The following ROBO2 variants were observed in gnomAD, a reference collection of about 807,000 sequenced individuals.
ROBO2 encodes roundabout homolog 2.
ROBO2 carries 53 observed loss-of-function variants against 160.8 expected under a neutral mutation model. The ratio of observed to expected loss-of-function variants is 0.33; its 90% CI spans 0.26 to 0.41. The LOEUF (loss-of-function observed/expected upper bound fraction) is 0.41. ROBO2 is among the 10% of genes least tolerant of loss of function. The probability of loss-of-function intolerance (pLI) is 1.00; values close to 1 mark genes in which losing one functional copy is unlikely to be tolerated. For synonymous variants in ROBO2, 664 were observed against 611.7 expected (o/e 1.09, Z -1.26); for missense variants, 1,577 against 1,722.4 (o/e 0.92, Z 1.49).
intron 21 of ROBO2, among the ~76,000 whole-genome samples, chr3:77,616,632 A>G (rs987852306): frequency 1.3e-5 from 2 of 152,124 alleles, no homozygotes; most frequent in African/African-American, 4.8e-5. Context: ...TATATCCAAT[A>G]ATATTATTTA....
At chr3:77,254,994 A>C (rs545700982) in intron 2 of ROBO2, among the ~76,000 whole-genome samples, 1 of 152,356 alleles carries the variant, frequency 6.6e-6, no homozygotes, top group East Asian at 1.9e-4. Flanking sequence ...ACGTATTCCG[A>C]AATGTAAAGT....
At chr3:76,922,341 G>A (rs1487486700) in intron 2 of ROBO2, among the ~76,000 whole-genome samples, 1 of 152,160 alleles carries the variant, frequency 6.6e-6, no homozygotes, top group African/African-American at 2.4e-5. Context: ...TACAAGTTAT[G>A]GTGATGGGAA....
intron 20 of ROBO2, chr3:77,603,146 C>A: frequency 2.2e-6 from 1 of 444,996 alleles, no homozygotes; most frequent in Non-Finnish European, 4.6e-6. Flanking sequence ...TATACTGAAT[C>A]ACAGCTCACT....
chr3:77,491,313 C>T (rs2086079712), intron 4 of ROBO2, among the ~76,000 whole-genome samples: 1 of 152,146 alleles, frequency 6.6e-6, no homozygotes, highest in South Asian at 2.1e-4. Context: ...GGAAAGGTCT[C>T]CTCTTGATGA....
chr3:76,957,363 T>A (rs1055321542), intron 2 of ROBO2, among the ~76,000 whole-genome samples: 1 of 152,122 alleles, frequency 6.6e-6, no homozygotes, highest in African/African-American at 2.4e-5. Flanking sequence ...TTAAAAGAAA[T>A]TAAATAGGAG....
chr3:77,158,927 G>A (rs183828417), intron 2 of ROBO2, among the ~76,000 whole-genome samples: 24 of 152,110 alleles, frequency 1.6e-4, no homozygotes, highest in Non-Finnish European at 1.9e-4. Flanking sequence ...CATTTTCACC[G>A]TTTACCCTGA....
intron 2 of ROBO2, among the ~76,000 whole-genome samples, chr3:76,099,764 G>A (rs9990070): frequency 0.23 from 34,709 of 151,934 alleles, 4,859 homozygotes; most frequent in African/African-American, 0.39. Context: ...TACCAAAAAC[G>A]TAAGAGAAAG....
At chr3:76,378,191 A>G (rs912610331) in intron 2 of ROBO2, among the ~76,000 whole-genome samples, 7 of 152,248 alleles carry the variant, frequency 4.6e-5, no homozygotes, top group African/African-American at 1.7e-4. Flanking sequence ...AAACCTCTAT[A>G]CTCATTACTT....
intron 2 of ROBO2, among the ~76,000 whole-genome samples, chr3:76,567,795 G>GTATA (rs1425533829): frequency 3.8e-5 from 3 of 79,042 alleles, no homozygotes; most frequent in African/African-American, 1.0e-4. Flanking sequence ...GTGTGTGTGT[G>GTATA]TGTATATATA....
At chr3:76,904,206 G>A (rs949085042) in intron 2 of ROBO2, among the ~76,000 whole-genome samples, 1 of 152,028 alleles carries the variant, frequency 6.6e-6, no homozygotes, top group African/African-American at 2.4e-5. Context: ...AAAACAAAAA[G>A]CTCTGTTTAG....
chr3:77,577,517 C>T lies in ROBO2; in HGVS notation c.2231C>T (p.Thr744Ile), dbSNP rs779970791. 1 of 1,613,118 alleles carries T rather than the reference C, an allele frequency of 6.2e-7. No individual in the cohort carries two copies. The highest frequency in any genetic ancestry group is 8.5e-7 in the Non-Finnish European group (1 of 1,179,466). The stretch of plus-strand genomic sequence containing the variant: ...CCAAGTGCCCCACCACAGTCTGTCA[C>T]TGTACTGACAGTTGGAAGCTACAAT... The change falls in exon 15 of 26, where the codon ACT becomes ATT. Residue 744 changes from threonine (T) to isoleucine (I), a missense_variant. By Grantham distance (89) the Thr-to-Ile change is moderately conservative. Coordinates refer to ENST00000461745, the Ensembl canonical transcript of ROBO2.
At position 76,012,369 on chromosome 3, in the gene ROBO2, A is replaced by G. The variant is rs1011249448; in HGVS notation, c.109+74767A>G. ...AGTATATTAAAATTTGGTATTTTATACATCTGTCCCTACAAAATAAAACAC... is the reference window on the plus strand; with the variant it reads ...AGTATATTAAAATTTGGTATTTTATGCATCTGTCCCTACAAAATAAAACAC... On this transcript the variant is annotated intron_variant, in intron 2 of 26. Transcript: ENST00000487694. Among the ~76,000 whole-genome samples the G allele has an allele frequency of 2.0e-5, 3 of 152,208 alleles. No homozygotes were observed. In the South Asian group the frequency reaches 6.2e-4, roughly 32 times the overall value.
chr3:76,727,565 A>G (rs2093572016), intron 2 of ROBO2, among the ~76,000 whole-genome samples: 1 of 152,196 alleles, frequency 6.6e-6, no homozygotes, highest in African/African-American at 2.4e-5. Context: ...GTCTTCAACC[A>G]TAAAAAAGAA....
chr3:76,463,531 T>G (rs1483095029), intron 2 of ROBO2, among the ~76,000 whole-genome samples: 2 of 152,066 alleles, frequency 1.3e-5, no homozygotes, highest in African/African-American at 4.8e-5. Context: ...TTGGGGAAAT[T>G]AGGGCATTAA....
intron 2 of ROBO2, among the ~76,000 whole-genome samples, chr3:76,952,571 T>C (rs1408251092): frequency 6.6e-6 from 1 of 152,264 alleles, no homozygotes; most frequent in East Asian, 1.9e-4. Flanking sequence ...CGTGAGCCAC[T>C]GTGCCCAGCC....
intron 2 of ROBO2, among the ~76,000 whole-genome samples, chr3:75,974,864 T>C (rs2065093109): frequency 6.6e-6 from 1 of 151,456 alleles, no homozygotes; most frequent in African/African-American, 2.4e-5. Flanking sequence ...AATAGGAAAA[T>C]AGTTTGTTGA....
At chr3:76,996,912 A>G (rs1025715350) in intron 2 of ROBO2, among the ~76,000 whole-genome samples, 3 of 152,176 alleles carry the variant, frequency 2.0e-5, no homozygotes, top group African/African-American at 7.2e-5. Flanking sequence ...TACACAATCT[A>G]ATATGTGTCT....
chr3:76,181,797 A>AC (rs1001028182), intron 2 of ROBO2, among the ~76,000 whole-genome samples: 17 of 148,310 alleles, frequency 1.1e-4, no homozygotes, highest in African/African-American at 4.1e-4. Flanking sequence ...TGTCCTAAAA[A>AC]AAAAGGATAT....
chr3:76,326,763 TC>T (rs1242501880), intron 2 of ROBO2, among the ~76,000 whole-genome samples: 2 of 74,410 alleles, frequency 2.7e-5, no homozygotes, highest in Non-Finnish European at 5.0e-5. Context: ...ATGCTATCCC[TC>T]CCCCCTCCCC....
Sources: gnomAD v4.1 joint callset for allele counts (sites outside exome capture counted in the v4.1 genomes callset) on GRCh38, gnomAD v4.1.1 for gene constraint, MANE v1.5 for transcripts, NCBI Gene and HGNC (gene_info 2026-07-23, HGNC 2026-07-21) for gene names.